Variants in SLC60A1 observed in about 807,000 individuals in gnomAD.
The protein encoded by SLC60A1 is solute carrier family 60 member 1.
chr1:205,569,400 C>G, the SLC60A1 span: 4 of 810,168 alleles, frequency 4.9e-6, no homozygotes, highest in African/African-American at 7.4e-5. Flanking sequence ...TCTCCCCCGG[C>G]CCCGTGGGGC....
the SLC60A1 span, chr1:205,580,638 C>CCCCCCCCCTCCTCT: frequency 5.0e-6 from 8 of 1,585,744 alleles, no homozygotes; most frequent in South Asian, 4.5e-5. The surrounding 1 kb of genome is among the most constrained non-coding windows in gnomAD (Gnocchi z 5.0). Flanking sequence ...CACCCCCACC[C>CCCCCCCCCTCCTCT]GCCACCTCTC....
the SLC60A1 span, among the ~76,000 whole-genome samples, chr1:205,588,819 C>T: frequency 2.0e-5 from 3 of 152,228 alleles, no homozygotes; most frequent in African/African-American, 7.2e-5. Context: ...AACTGCAGGC[C>T]GCCAAGTTCT....
chr1:205,580,701 C>T, the SLC60A1 span: 4 of 1,613,972 alleles, frequency 2.5e-6, no homozygotes, highest in Non-Finnish European at 3.4e-6. This position sits in a 1 kb window ranked among gnomAD's most constrained non-coding sequence, Gnocchi z 5.0. Flanking sequence ...CTGCTGAGCC[C>T]CCTTATTGCT....
At chr1:205,590,301 C>T in the SLC60A1 span, among the ~76,000 whole-genome samples, 2 of 152,214 alleles carry the variant, frequency 1.3e-5, no homozygotes, top group Admixed American at 6.5e-5. Flanking sequence ...AAAGCAAGAA[C>T]AAATGGATCT....
the SLC60A1 span, chr1:205,595,269 C>T: frequency 1.3e-5 from 2 of 152,474 alleles, no homozygotes; most frequent in Non-Finnish European, 2.9e-5. Flanking sequence ...CATGCTATTC[C>T]CTGATGGCAC....
the SLC60A1 span, among the ~76,000 whole-genome samples, chr1:205,593,416 A>AGCCGAAACCCCGCCACT: frequency 5.4e-5 from 4 of 74,724 alleles, no homozygotes; most frequent in African/African-American, 1.1e-4. Context: ...GCTTGCAGTG[A>AGCCGAAACCCCGCCACT]GCACTCCAGC....
chr1:205,595,330 G>A, the SLC60A1 span, among the ~76,000 whole-genome samples: 1 of 152,152 alleles, frequency 6.6e-6, no homozygotes, highest in Non-Finnish European at 1.5e-5. Flanking sequence ...CCCTCTGCCT[G>A]GAACATCCTC....
the SLC60A1 span, among the ~76,000 whole-genome samples, chr1:205,573,532 C>T: frequency 2.0e-5 from 3 of 150,882 alleles, no homozygotes; most frequent in Non-Finnish European, 4.4e-5. Context: ...AAACATTATG[C>T]TAAGTGAAAG....
At chr1:205,583,855 T>G in the SLC60A1 span, 1 of 1,411,980 alleles carries the variant, frequency 7.1e-7, no homozygotes, top group South Asian at 1.5e-5. Flanking sequence ...AAAAGAGCTG[T>G]CTTCTCCCAG....
the SLC60A1 span, among the ~76,000 whole-genome samples, chr1:205,571,900 G>A: frequency 6.6e-6 from 1 of 152,186 alleles, no homozygotes; most frequent in South Asian, 2.1e-4. Context: ...CAGCTGTTGC[G>A]GGGGAGTGGG....
chr1:205,599,264 T>G, the SLC60A1 span: 1 of 1,613,524 alleles, frequency 6.2e-7, no homozygotes, highest in Non-Finnish European at 8.5e-7. Context: ...AAGGAAAGTA[T>G]CTGTTTCTAC....
chr1:205,580,932 C>G, the SLC60A1 span: 1 of 1,611,346 alleles, frequency 6.2e-7, no homozygotes, highest in South Asian at 1.1e-5. This position sits in a 1 kb window ranked among gnomAD's most constrained non-coding sequence, Gnocchi z 5.0. Context: ...GTGAGTGTCC[C>G]TGGGGTGGGC....
At chr1:205,579,019 G>A in the SLC60A1 span, among the ~76,000 whole-genome samples, 1 of 152,162 alleles carries the variant, frequency 6.6e-6, no homozygotes, top group Non-Finnish European at 1.5e-5. Flanking sequence ...TGATAGGGTA[G>A]CAGGCCCTCC....
chr1:205,579,648 G>C, the SLC60A1 span: 2 of 1,286,198 alleles, frequency 1.6e-6, no homozygotes, highest in East Asian at 2.3e-5. Flanking sequence ...TTCTACCAGA[G>C]GGGGAGAAAT....
chr1:205,578,800 T>G, the SLC60A1 span, among the ~76,000 whole-genome samples: 1 of 152,120 alleles, frequency 6.6e-6, no homozygotes, highest in East Asian at 1.9e-4. Flanking sequence ...TGGGGGGCTC[T>G]CTCCCTTTTC....
the SLC60A1 span, chr1:205,579,691 G>C: frequency 6.3e-7 from 1 of 1,587,340 alleles, no homozygotes; most frequent in East Asian, 2.2e-5. Context: ...AGTGAATGGA[G>C]GAGAAGGGGG....
the SLC60A1 span, among the ~76,000 whole-genome samples, chr1:205,590,681 G>C: frequency 6.6e-6 from 1 of 152,232 alleles, no homozygotes; most frequent in Non-Finnish European, 1.5e-5. Context: ...ATGCCCAGAA[G>C]TGGAGGGGTT....
chr1:205,570,931 C>T, the SLC60A1 span, among the ~76,000 whole-genome samples: 2 of 152,144 alleles, frequency 1.3e-5, no homozygotes, highest in African/African-American at 2.4e-5. Context: ...TTTGTGAAGC[C>T]AGCAGAGATG....
chr1:205,574,097 G>A, the SLC60A1 span, among the ~76,000 whole-genome samples: 3 of 151,936 alleles, frequency 2.0e-5, no homozygotes, highest in East Asian at 1.9e-4. Flanking sequence ...TGAATTGTAC[G>A]CTTAAATATG....
Sources: gnomAD v4.1 joint callset for allele counts (sites outside exome capture counted in the v4.1 genomes callset) on GRCh38, gnomAD v4.1.1 for gene constraint, Gnocchi (gnomAD v3.1) non-coding constraint, MANE v1.5 for transcripts, NCBI Gene and HGNC (gene_info 2026-07-23, HGNC 2026-07-21) for gene names.